MAP4: variants seen among roughly 807,000 people sequenced by gnomAD.
The protein encoded by MAP4 is microtubule associated protein 4, also known as microtubule-associated protein 4.
A neutral mutation model predicts 170.2 loss-of-function variants in MAP4; 76 were observed. The observed-to-expected ratio is 0.45, with a 90% CI of 0.37 to 0.54. The LOEUF (loss-of-function observed/expected upper bound fraction) is 0.54. MAP4 is among the 20% of genes least tolerant of loss of function. The pLI, the probability that MAP4 is intolerant of heterozygous loss-of-function variation, is 0.00. For synonymous variants in MAP4, 909 were observed against 994.5 expected (o/e 0.91, Z 1.62); for missense variants, 2,506 against 2,748.0 (o/e 0.91, Z 1.97).
chr3:48,086,305 A>G (rs562056126), intron 1 of MAP4, among the ~76,000 whole-genome samples: 35 of 152,190 alleles, frequency 2.3e-4, no homozygotes, highest in African/African-American at 8.2e-4. Flanking sequence ...CCTGGATGAC[A>G]CAGCGAGACT....
intron 1 of MAP4, among the ~76,000 whole-genome samples, chr3:48,071,117 GGCA>G (rs2100140799): frequency 6.6e-6 from 1 of 152,028 alleles, no homozygotes; most frequent in South Asian, 2.1e-4. Context: ...CGTAATAAAG[GGCA>G]GACAAAAATA....
rs888645623 is a variant in MAP4, at chr3:47,994,545, T to G, written c.223+4093A>C. 3.3e-5 allele frequency among the ~76,000 whole-genome samples: 5 copies of G among 152,218 alleles called. No individual in the cohort carries two copies. The South Asian group carries it at 1.0e-3, about 32-fold the overall frequency. ...GATAAGGACAGTGAGGTGGTAGCAG[T>G]AGATTTTCTTGTGCTTCATCTTGAG... On this transcript the variant is annotated intron_variant, in intron 2 of 20. Coordinates refer to ENST00000683076, the MANE Select transcript of MAP4 (RefSeq NM_001385682.1).
Position 47,918,841 on chromosome 3 carries a change from C to A in MAP4, c.530G>T (p.Gly177Val), listed in dbSNP as rs772498172. 9.9e-6 allele frequency: 16 copies of A among 1,610,188 alleles called. No homozygotes were observed. Among genetic ancestry groups the A allele is most frequent in the Non-Finnish European group, 1.2e-5 (14 of 1,177,706 alleles). ...AACAGCTGTGTTGCAGGGAGACATACCTAATATTGAAACACAAACAAATAC... is the reference window on the plus strand; with the variant it reads ...AACAGCTGTGTTGCAGGGAGACATAACTAATATTGAAACACAAACAAATAC... ...GQNDPLKDSY[G>V]MSPCNTAVVP... Residue 177 changes from glycine (G) to valine (V), a missense_variant and splice_region_variant, in exon 6 of 21, where the codon GGT becomes GTT. Physicochemically the swap from Gly to Val is moderately radical, Grantham distance 109. Coordinates refer to ENST00000683076, the MANE Select transcript of MAP4 (RefSeq NM_001385682.1).
At position 47,968,496 on chromosome 3, in the gene MAP4, G is replaced by A. The variant is rs139550020; in HGVS notation, c.292+9369C>T. On this transcript the variant is annotated intron_variant, in intron 3 of 20. Coordinates refer to ENST00000683076, the MANE Select transcript of MAP4 (RefSeq NM_001385682.1). ...TAACACACTCCTAAATAATCAACAC[G>A]TCAAAGAAATCCCAAAAGAAATTAG... Among the ~76,000 whole-genome samples, 7 of 152,206 alleles carry A rather than the reference G, an allele frequency of 4.6e-5. 1 individual carries two copies. Among genetic ancestry groups the A allele is most frequent in the African/African-American group, 1.4e-4 (6 of 41,522 alleles).
rs1176897101 is a variant in MAP4, at chr3:47,852,422, C to T, written c.*512G>A. The T allele has an allele frequency of 4.5e-6, 1 of 222,742 alleles. No homozygotes were observed. 13.8% of individuals were successfully genotyped at this position (222,742 alleles called of 1,614,324 possible). ...GTGGGACCAGAGGGAGAGGCAGTGG[C>T]TTAAGCTCCACGGTCAGCGTCCTGT... On this transcript the variant is annotated 3_prime_UTR_variant, in exon 21 of 21. Coordinates refer to ENST00000683076, the MANE Select transcript of MAP4 (RefSeq NM_001385682.1).
At chr3:48,063,901 C>A (rs898822087) in intron 1 of MAP4, among the ~76,000 whole-genome samples, 3 of 152,084 alleles carry the variant, frequency 2.0e-5, no homozygotes, top group African/African-American at 7.2e-5. Flanking sequence ...GAAACTATTC[C>A]ATATACATAT....
At chr3:47,930,106 G>C (rs2100048631) in intron 3 of MAP4, among the ~76,000 whole-genome samples, 1 of 151,762 alleles carries the variant, frequency 6.6e-6, no homozygotes, top group Non-Finnish European at 1.5e-5. Context: ...CTGCAGCCTG[G>C]GGCAACAGAG....
At chr3:48,007,741 C>T (rs182603861) in intron 1 of MAP4, among the ~76,000 whole-genome samples, 87 of 150,720 alleles carry the variant, frequency 5.8e-4, no homozygotes, top group African/African-American at 2.1e-3. Flanking sequence ...GGTGCGATCT[C>T]GGCTCAATGC....
chr3:47,993,849 T>C (rs1044257511), intron 2 of MAP4, among the ~76,000 whole-genome samples: 1 of 152,172 alleles, frequency 6.6e-6, no homozygotes, highest in East Asian at 1.9e-4. Flanking sequence ...AACATCTTAT[T>C]ATGAGGGTGT....
At chr3:48,050,805 T>C (rs1355122605) in intron 1 of MAP4, among the ~76,000 whole-genome samples, 5 of 149,994 alleles carry the variant, frequency 3.3e-5, no homozygotes, top group Non-Finnish European at 1.5e-5. Context: ...CTCGGGAGGC[T>C]GAGGCAAGAG....
At chr3:47,934,321 G>A (rs1226766922) in intron 3 of MAP4, among the ~76,000 whole-genome samples, 1 of 152,058 alleles carries the variant, frequency 6.6e-6, no homozygotes, top group Non-Finnish European at 1.5e-5. Flanking sequence ...GCATAGTTTT[G>A]AGACAGCGTC....
chr3:47,944,760 A>C (rs1317307478), intron 3 of MAP4, among the ~76,000 whole-genome samples: 1 of 151,624 alleles, frequency 6.6e-6, no homozygotes, highest in Admixed American at 6.6e-5. Context: ...TAAAATCCAA[A>C]CTGTTTATAT....
intron 1 of MAP4, among the ~76,000 whole-genome samples, chr3:48,087,067 C>T (rs977605186): frequency 4.7e-4 from 71 of 152,246 alleles, no homozygotes; most frequent in African/African-American, 1.7e-3. Flanking sequence ...TGGGAGATGG[C>T]AAGTGCTCAA....
In MAP4 at chr3:47,872,059, T is replaced by G. The variant is rs373873361; in HGVS notation, c.5799A>C (p.Pro1933=). 4 of 1,613,566 alleles carry G rather than the reference T, an allele frequency of 2.5e-6. No individual in the cohort carries two copies. Among genetic ancestry groups the G allele is most frequent in the Non-Finnish European group, 3.4e-6 (4 of 1,179,826 alleles). Residue 1933 remains proline (P), a synonymous_variant, in exon 13 of 21, where the codon CCA becomes CCC. Transcript: ENST00000683076. ...AGGCTGGGGCAGAAGCTGGCTTGGA[T>G]GGTGAGGCCCGCTTCTCAGGAGCCT... ...DAKAPEKRAS[P]SKPASAPASR...
intron 1 of MAP4, among the ~76,000 whole-genome samples, chr3:48,078,291 T>A (rs1317384249): frequency 6.6e-6 from 1 of 150,856 alleles, no homozygotes; most frequent in Non-Finnish European, 1.5e-5. Flanking sequence ...ACTACAGGTG[T>A]GCACCACCAT....
intron 16 of MAP4, 90 bp from the exon 17 acceptor site, chr3:47,867,428 C>T: frequency 1.2e-6 from 1 of 801,468 alleles, no homozygotes; most frequent in South Asian, 1.5e-5. Context: ...CACGTGATCA[C>T]AATGACCAAC....
intron 3 of MAP4, among the ~76,000 whole-genome samples, chr3:47,953,340 C>T (rs890392643): frequency 6.6e-6 from 1 of 151,904 alleles, no homozygotes; most frequent in Admixed American, 6.6e-5. Context: ...ATGAGCAACA[C>T]ACAGAGACCC....
rs555647419 is a variant in MAP4, at chr3:47,861,509, C to T, written c.6502-3997G>A. ...CTGGGATTATAGGCACGCACCACCA[C>T]GCCCAGCTGATTTTTGTATTTTTAG... On this transcript the variant is annotated intron_variant, in intron 17 of 20. Transcript: ENST00000683076. Among the ~76,000 whole-genome samples, 15 of 151,904 alleles carry T rather than the reference C, an allele frequency of 9.9e-5. No homozygotes were observed. The East Asian group carries it at 2.2e-3, about 22-fold the overall frequency.
chr3:48,077,680 A>G (rs1393437503), intron 1 of MAP4, among the ~76,000 whole-genome samples: 1 of 152,130 alleles, frequency 6.6e-6, no homozygotes, highest in Non-Finnish European at 1.5e-5. Flanking sequence ...TTAACACATA[A>G]CCAAGCAATT....
Sources: gnomAD v4.1 joint callset for allele counts (sites outside exome capture counted in the v4.1 genomes callset) on GRCh38, gnomAD v4.1.1 for gene constraint, MANE v1.5 for transcripts, NCBI Gene and HGNC (gene_info 2026-07-23, HGNC 2026-07-21) for gene names.